The following ATP10B variants were observed in gnomAD, a reference collection of about 807,000 sequenced individuals.
ATP10B encodes phospholipid-transporting ATPase VB.
Under a neutral mutation model 141.2 loss-of-function variants are expected in ATP10B, and 122 were observed. That is an observed-to-expected ratio of 0.86 (90% CI 0.75 to 1.00). The LOEUF (loss-of-function observed/expected upper bound fraction) is 1.00, where lower values mean the gene tolerates loss of function less well. Among genes scored for constraint, ATP10B ranks in the 50% least tolerant of loss-of-function variants. The probability of loss-of-function intolerance (pLI) is 0.00; values close to 1 mark genes in which losing one functional copy is unlikely to be tolerated. For synonymous variants in ATP10B, 685 were observed against 692.0 expected, an observed-to-expected ratio of 0.99 and a Z score of 0.16; for missense variants, 1,876 against 1,825.3, an observed-to-expected ratio of 1.03 and a Z score of -0.51.
intron 2 of ATP10B, among the ~76,000 whole-genome samples, chr5:160,736,315 G>A (rs1767109026): frequency 6.6e-6 from 1 of 152,224 alleles, no homozygotes; most frequent in African/African-American, 2.4e-5. Context: ...AGGATCGTTA[G>A]TGGCTGCTAT....
intron 1 of ATP10B, among the ~76,000 whole-genome samples, chr5:160,813,175 C>A (rs1044514439): frequency 6.6e-6 from 1 of 152,244 alleles, no homozygotes; most frequent in African/African-American, 2.4e-5. Context: ...TGAGCCGAAG[C>A]AGGGCGAGGC....
chr5:160,874,258 C>A, the ATP10B span, among the ~76,000 whole-genome samples: 2 of 63,090 alleles, frequency 3.2e-5, no homozygotes, highest in Non-Finnish European at 9.2e-5. Context: ...CTGGGAGGCA[C>A]CCCCCAGGAG....
rs758123977 is a variant in ATP10B, at chr5:160,620,822, G to A, written c.1941C>T (p.Leu647=). The A allele has an allele frequency of 2.7e-5, 44 of 1,614,056 alleles. 1 individual carries two copies. In the Middle Eastern group the frequency reaches 8.2e-4, roughly 30 times the overall value. The change falls in exon 15 of 26, where the codon CTC becomes CTT. Residue 647 remains leucine, a synonymous_variant. Coordinates refer to ENST00000327245, the MANE Select transcript of ATP10B (RefSeq NM_025153.3). ...FSSTAPSDTD[L]GESLGANVAT... ...CCACGTTGGCCCCTAAGCTCTCCCC[G>A]AGGTCTGTGTCAGAGGGTGCAGTGG...
intron 1 of ATP10B, among the ~76,000 whole-genome samples, chr5:160,819,230 A>T (rs1393213317): frequency 6.6e-6 from 1 of 152,172 alleles, no homozygotes; most frequent in African/African-American, 2.4e-5. Flanking sequence ...GTCTGGCAGG[A>T]GACTTTACAG....
chr5:160,565,758 C>T lies in ATP10B; in HGVS notation c.4081G>A (p.Val1361Met). 6.2e-7 allele frequency: 1 copy of T among 1,614,104 alleles called. No homozygotes were observed. Among genetic ancestry groups the T allele is most frequent in the Non-Finnish European group, 8.5e-7 (1 of 1,179,992 alleles). Reference protein sequence around the residue: ...SRQRPAPVPEVARPTHHPVSS... With the variant: ...SRQRPAPVPEMARPTHHPVSS... ...ACTGGGTGGTGAGTTGGTCGAGCCA[C>T]TTCGGGGACAGGGGCAGGCCTCTGT... Residue 1361 changes from valine (V) to methionine (M), a missense_variant, in exon 26 of 26, where the codon GTG becomes ATG. Transcript: ENST00000327245.
At chr5:160,585,497 G>T (rs1330794759) in intron 24 of ATP10B, among the ~76,000 whole-genome samples, 1 of 152,184 alleles carries the variant, frequency 6.6e-6, no homozygotes, top group Non-Finnish European at 1.5e-5. Context: ...CAGCTACTGA[G>T]GAGGCTGAGG....
At chr5:160,870,839 G>GA in the ATP10B span, among the ~76,000 whole-genome samples, 512 of 152,124 alleles carry the variant, frequency 3.4e-3, 4 homozygotes, top group Non-Finnish European at 3.3e-3. Context: ...CAGTCAGAGG[G>GA]AAAAAACACC....
intron 20 of ATP10B, chr5:160,603,693 G>T: frequency 2.2e-6 from 1 of 448,286 alleles, no homozygotes; most frequent in Admixed American, 3.3e-5. Flanking sequence ...AAATACAATT[G>T]TTAATGGCTC....
At chr5:160,723,346 T>C (rs2127784191) in intron 2 of ATP10B, among the ~76,000 whole-genome samples, 1 of 152,174 alleles carries the variant, frequency 6.6e-6, no homozygotes, top group East Asian at 1.9e-4. Context: ...ATAAACAAGA[T>C]CATATCAGAC....
chr5:160,787,124 A>ACACACCACACACACACACACACACAC (rs199992408), intron 1 of ATP10B, among the ~76,000 whole-genome samples: 1 of 148,294 alleles, frequency 6.7e-6, no homozygotes, highest in Non-Finnish European at 1.5e-5. Context: ...ACACACACAC[A>ACACACCACACACACACACACACACAC]CACACACACA....
chr5:160,881,548 C>T, the ATP10B span, among the ~76,000 whole-genome samples: 4 of 152,176 alleles, frequency 2.6e-5, no homozygotes, highest in Non-Finnish European at 5.9e-5. Context: ...CGTGGTGGCT[C>T]ACACCTGTAA....
chr5:160,868,884 A>C, the ATP10B span, among the ~76,000 whole-genome samples: 1 of 152,148 alleles, frequency 6.6e-6, no homozygotes, highest in African/African-American at 2.4e-5. Flanking sequence ...TGCAATCTAC[A>C]AGTATTTACT....
At chr5:160,895,702 T>C in the ATP10B span, among the ~76,000 whole-genome samples, 52 of 152,312 alleles carry the variant, frequency 3.4e-4, 1 homozygote, top group South Asian at 0.01. Context: ...GTGGACCTAA[T>C]AGACATCTAC....
chr5:160,611,891 G>T (rs1757740666), intron 18 of ATP10B: 1 of 152,186 alleles, frequency 6.6e-6, no homozygotes, highest in Non-Finnish European at 1.5e-5. Context: ...GCTTCCTTCT[G>T]ATAGGAGCAC....
At chr5:160,821,846 A>G (rs1475402374) in intron 1 of ATP10B, among the ~76,000 whole-genome samples, 1 of 152,160 alleles carries the variant, frequency 6.6e-6, no homozygotes. Flanking sequence ...TTCTTGCTAT[A>G]TACAAAAATC....
At chr5:160,775,766 C>A (rs539649399) in intron 2 of ATP10B, among the ~76,000 whole-genome samples, 1 of 150,442 alleles carries the variant, frequency 6.6e-6, no homozygotes, top group Admixed American at 6.7e-5. Context: ...CTGCAAGCTC[C>A]GCCTCCTGGG....
At chr5:160,589,758 A>C in intron 23 of ATP10B, 62 bp from the exon 24 acceptor site, 1 of 1,260,516 alleles carries the variant, frequency 7.9e-7, no homozygotes, top group Non-Finnish European at 1.2e-6. Context: ...TGGCTTTGAC[A>C]CAGTGATTAT....
the ATP10B span, among the ~76,000 whole-genome samples, chr5:160,860,498 T>C: frequency 6.6e-6 from 1 of 151,862 alleles, no homozygotes; most frequent in South Asian, 2.1e-4. Flanking sequence ...TTTGAAGGAA[T>C]ATGAAATCTC....
intron 1 of ATP10B, among the ~76,000 whole-genome samples, chr5:160,806,250 T>G (rs1772763903): frequency 6.6e-6 from 1 of 152,204 alleles, no homozygotes; most frequent in Non-Finnish European, 1.5e-5. Flanking sequence ...ATACATAAAA[T>G]TAACCATCAC....
Sources: allele counts gnomAD v4.1 joint callset (sites outside exome capture counted in the v4.1 genomes callset), GRCh38; gene constraint gnomAD v4.1.1; transcripts MANE v1.5; gene names NCBI Gene and HGNC (gene_info 2026-07-23, HGNC 2026-07-21).